ACAP2: variants seen among roughly 807,000 people sequenced by gnomAD.
The protein encoded by ACAP2 is ArfGAP with coiled-coil, ankyrin repeat and PH domains 2.
In ACAP2, 39 loss-of-function variants were observed where a neutral mutation model predicts 115.8. The ratio of observed to expected loss-of-function variants is 0.34; its 90% CI spans 0.26 to 0.44. The LOEUF (loss-of-function observed/expected upper bound fraction) is 0.44, where lower values mean the gene tolerates loss of function less well. ACAP2 is among the 20% of genes least tolerant of loss of function. ACAP2 has a pLI of 1.00. For synonymous variants in ACAP2, 289 were observed against 315.8 expected, an observed-to-expected ratio of 0.92 and a Z score of 0.90; for missense variants, 662 against 927.6, an observed-to-expected ratio of 0.71 and a Z score of 3.72.
chr3:195,437,954 C>G (rs1196706148), intron 1 of ACAP2, among the ~76,000 whole-genome samples: 1 of 134,152 alleles, frequency 7.5e-6, no homozygotes, highest in Non-Finnish European at 1.5e-5. Context: ...TGGTCTCAGG[C>G]AATCCTTCCA....
chr3:195,405,374 T>C (rs1712667372), intron 1 of ACAP2, among the ~76,000 whole-genome samples: 1 of 152,226 alleles, frequency 6.6e-6, no homozygotes. Flanking sequence ...TGTATTGGTC[T>C]GTTCTTTCAT....
chr3:195,287,427 G>T (rs1726917166), intron 21 of ACAP2, among the ~76,000 whole-genome samples: 2 of 150,260 alleles, frequency 1.3e-5, no homozygotes, highest in African/African-American at 4.9e-5. Context: ...TTGAGACAGG[G>T]TCTCATTCAT....
chr3:195,442,656 G>T, intron 1 of ACAP2, 139 bp downstream of exon 1: 1 of 875,354 alleles, frequency 1.1e-6, no homozygotes, highest in Non-Finnish European at 1.7e-6. Flanking sequence ...CTCGCAGGGT[G>T]GGAAACGGCG....
At chr3:195,389,916 C>T (rs1478579768) in intron 2 of ACAP2, among the ~76,000 whole-genome samples, 2 of 152,214 alleles carry the variant, frequency 1.3e-5, no homozygotes, top group Non-Finnish European at 2.9e-5. Flanking sequence ...GACAGAGGGG[C>T]CGGGTGCAGT....
intron 15 of ACAP2, among the ~76,000 whole-genome samples, chr3:195,299,164 C>T (rs1727855540): frequency 6.6e-6 from 1 of 151,978 alleles, no homozygotes; most frequent in African/African-American, 2.4e-5. Flanking sequence ...ACTAGTAGCA[C>T]AGAAATCAAC....
rs1254688511 is a variant in ACAP2 at position 195,294,607 on chromosome 3, AATT to A, written c.1765+109_1765+111del. On this transcript the variant is annotated intron_variant, in intron 18 of 22. Transcript: ENST00000326793. ...AAAAAAAGAAGAAAAAAAAAAAAAA[AATT>A]ATATATATATATATATATATAATTT... The A allele has an allele frequency of 8.4e-3, 488 of 57,980 alleles. 6 individuals carry two copies. The highest frequency in any genetic ancestry group is 0.019 in the African/African-American group (299 of 16,102). The allele number at this position is 57,980 out of a possible 1,614,324, so 3.6% of individuals were successfully genotyped here. A position where few individuals can be genotyped will look rare whatever the true frequency, so the allele number is the denominator to read the frequency against.
rs150803513 is a variant in ACAP2, at chr3:195,406,247, A to AT, written c.54-14101dup. Among the ~76,000 whole-genome samples, 993 of 152,312 alleles carry AT rather than the reference A, an allele frequency of 6.5e-3. 10 individuals are homozygous for AT. Among genetic ancestry groups the AT allele is most frequent in the African/African-American group, 0.023 (954 of 41,576 alleles). ...ATACTTCAAAATTTATTTTCTATCAATAAGTCCTCACCCTCTTATTTAAAT... is the reference window on the plus strand; with the variant it reads ...ATACTTCAAAATTTATTTTCTATCAATTAAGTCCTCACCCTCTTATTTAAAT... On this transcript the variant is annotated intron_variant, in intron 1 of 22. Transcript: ENST00000326793.
At chr3:195,372,987 C>CAAAAAAAAAAAAAAAAAA (rs869134113) in intron 4 of ACAP2, among the ~76,000 whole-genome samples, 12 of 17,778 alleles carry the variant, frequency 6.7e-4, no homozygotes, top group African/African-American at 1.1e-3. Flanking sequence ...GACTCCATCT[C>CAAAAAAAAAAAAAAAAAA]AAAAAAAAAA....
intron 5 of ACAP2, among the ~76,000 whole-genome samples, chr3:195,344,508 C>T (rs570781867): frequency 2.0e-5 from 3 of 151,478 alleles, no homozygotes; most frequent in Admixed American, 6.6e-5. Context: ...ACAAAATACT[C>T]GTAAGTCACA....
intron 1 of ACAP2, among the ~76,000 whole-genome samples, chr3:195,405,411 G>C (rs1372665815): frequency 6.6e-6 from 1 of 152,140 alleles, no homozygotes; most frequent in African/African-American, 2.4e-5. Flanking sequence ...CTGAGGTCTG[G>C]TACGGTGGCT....
chr3:195,415,427 C>A (rs1560347312), intron 1 of ACAP2, among the ~76,000 whole-genome samples: 1 of 151,992 alleles, frequency 6.6e-6, no homozygotes, highest in Non-Finnish European at 1.5e-5. Flanking sequence ...CGGGCGTGCA[C>A]CACCATGCCC....
At position 195,307,123 on chromosome 3, in the gene ACAP2, C is replaced by A. The variant is rs916565229; in HGVS notation, c.1010+100G>T. The A allele has an allele frequency of 9.2e-6, 8 of 870,444 alleles. No homozygotes were observed. In the Admixed American group the frequency reaches 1.7e-4, roughly 18 times the overall value. The allele number at this position is 870,444 out of a possible 1,614,324, so 53.9% of individuals were successfully genotyped here. ...TTTTAAAACTTTTTTTTCTCTTTAG[C>A]ACAGATACAGACAAATGCAAATTTC... On this transcript the variant is annotated intron_variant, in intron 12 of 22. Coordinates refer to ENST00000326793, the MANE Select transcript of ACAP2 (RefSeq NM_012287.6).
At chr3:195,300,516 T>C (rs1228867937) in intron 15 of ACAP2, among the ~76,000 whole-genome samples, 1 of 152,236 alleles carries the variant, frequency 6.6e-6, no homozygotes, top group Non-Finnish European at 1.5e-5. Context: ...GACATTTTCA[T>C]AGATATAAAT....
chr3:195,399,631 T>C (rs1577416161), intron 1 of ACAP2, among the ~76,000 whole-genome samples: 1 of 142,096 alleles, frequency 7.0e-6, no homozygotes, highest in East Asian at 2.3e-4. Flanking sequence ...AAAAAAAAAA[T>C]CTATAACCCT....
intron 8 of ACAP2, among the ~76,000 whole-genome samples, chr3:195,332,116 A>T (rs1435269957): frequency 6.6e-6 from 1 of 150,600 alleles, no homozygotes; most frequent in African/African-American, 2.4e-5. Flanking sequence ...CCTGGGTGAC[A>T]GAGCAAGACT....
intron 1 of ACAP2, among the ~76,000 whole-genome samples, chr3:195,428,828 T>C (rs1344619099): frequency 6.6e-6 from 1 of 152,154 alleles, no homozygotes; most frequent in Non-Finnish European, 1.5e-5. Flanking sequence ...CACTCAAATA[T>C]TGTTGGCAGA....
At chr3:195,294,901 A>G (rs1727544964) in intron 17 of ACAP2, 90 bp from the exon 18 acceptor site, 1 of 751,044 alleles carries the variant, frequency 1.3e-6, no homozygotes, top group Non-Finnish European at 2.2e-6. Context: ...GAGCTCTTAC[A>G]CATCAACATG....
chr3:195,435,179 ATC>A, intron 1 of ACAP2, among the ~76,000 whole-genome samples: 1 of 148,090 alleles, frequency 6.8e-6, no homozygotes, highest in South Asian at 2.1e-4. Context: ...CTATTTTGAG[ATC>A]TCTTTTTTTT....
chr3:195,437,932 T>C (rs1475276536), intron 1 of ACAP2, among the ~76,000 whole-genome samples: 3 of 145,936 alleles, frequency 2.1e-5, no homozygotes, highest in Non-Finnish European at 3.0e-5. Context: ...AAGGTCTCTA[T>C]GTTGCCCAGG....
Sources: gnomAD v4.1 joint callset for allele counts (sites outside exome capture counted in the v4.1 genomes callset) on GRCh38, gnomAD v4.1.1 for gene constraint, MANE v1.5 for transcripts, NCBI Gene and HGNC (gene_info 2026-07-23, HGNC 2026-07-21) for gene names.